RAB33A: variants seen among roughly 807,000 people sequenced by gnomAD.
RAB33A encodes the protein RAB33A, member RAS oncogene family, also known as ras-related protein Rab-33A.
Under a neutral mutation model 12.0 loss-of-function variants are expected in RAB33A, and 6 were observed. The ratio of observed to expected loss-of-function variants is 0.50; its 90% CI spans 0.27 to 0.99. The LOEUF is 0.99. Among genes scored for constraint, RAB33A ranks in the 50% least tolerant of loss-of-function variants. The pLI is 0.11. For missense variants in RAB33A, 109 were observed against 192.0 expected (o/e 0.57, Z 2.55); for synonymous variants, 70 against 82.4 (o/e 0.85, Z 0.81).
the RAB33A span, among the ~76,000 whole-genome samples, chrX:130,153,673 G>A: frequency 9.0e-6 from 1 of 110,646 alleles, no homozygotes; most frequent in African/African-American, 3.3e-5. Flanking sequence ...CATACAGGAA[G>A]GGGAAGACAC....
chrX:130,131,106 GAC>G, the RAB33A span, among the ~76,000 whole-genome samples: 4 of 111,794 alleles, frequency 3.6e-5, no homozygotes, highest in Non-Finnish European at 7.5e-5. Context: ...TAATGAAAGA[GAC>G]ATGTGTGGGA....
the RAB33A span, chrX:130,155,042 C>G: frequency 1.0e-6 from 1 of 976,818 alleles, no homozygotes; most frequent in Admixed American, 2.2e-5. Context: ...TAATAAACAC[C>G]TAGAGAAAGC....
At chrX:130,182,160 AT>A (rs1186845764) in intron 1 of RAB33A, among the ~76,000 whole-genome samples, 106 of 45,080 alleles carry the variant, frequency 2.4e-3, no homozygotes, top group Middle Eastern at 0.024. Context: ...AAAAAAAAAT[AT>A]ATATATATAT....
chrX:130,129,898 C>T, the RAB33A span: 10 of 1,156,396 alleles, frequency 8.6e-6, no homozygotes, highest in African/African-American at 8.8e-5. Context: ...TCTCAGGGCA[C>T]CCGATGAAGT....
At chrX:130,119,043 G>A in the RAB33A span, among the ~76,000 whole-genome samples, 55 of 111,761 alleles carry the variant, frequency 4.9e-4, 1 homozygote, top group South Asian at 0.02. Flanking sequence ...GGCTGACCGA[G>A]GGGAGCTAGC....
the RAB33A span, among the ~76,000 whole-genome samples, chrX:130,145,249 G>C: frequency 5.4e-4 from 61 of 112,236 alleles, no homozygotes; most frequent in South Asian, 1.9e-3. Context: ...GCAAATAGGA[G>C]AGATAACAGC....
the RAB33A span, among the ~76,000 whole-genome samples, chrX:130,143,726 G>A: frequency 1.4e-4 from 15 of 109,988 alleles, no homozygotes; most frequent in Non-Finnish European, 2.7e-4. Flanking sequence ...GCATGGTGGC[G>A]CATGCAGCTA....
the RAB33A span, chrX:130,155,431 T>C: frequency 1.6e-6 from 1 of 625,746 alleles, no homozygotes; most frequent in Non-Finnish European, 2.5e-6. Context: ...TGCTCCAGGA[T>C]TGCAGAATGT....
At chrX:130,125,074 A>G in the RAB33A span, among the ~76,000 whole-genome samples, 1,347 of 111,319 alleles carry the variant, frequency 0.012, 13 homozygotes, top group Middle Eastern at 0.032. Context: ...CCATGGTCAC[A>G]GAGTAGCCTT....
chrX:130,183,581 TA>T (rs775862177), intron 1 of RAB33A, among the ~76,000 whole-genome samples: 1 of 110,949 alleles, frequency 9.0e-6, no homozygotes, highest in Admixed American at 9.6e-5. Context: ...AATAACACTG[TA>T]AGATATTAGT....
At chrX:130,178,239 G>A (rs150145994) in intron 1 of RAB33A, among the ~76,000 whole-genome samples, 1,535 of 110,915 alleles carry the variant, frequency 0.014, 21 homozygotes, top group African/African-American at 0.045. Flanking sequence ...GATTGCTTGC[G>A]CCTAGGAGGT....
At chrX:130,158,177 T>C in the RAB33A span, among the ~76,000 whole-genome samples, 1 of 109,581 alleles carries the variant, frequency 9.1e-6, no homozygotes, top group African/African-American at 3.3e-5. Flanking sequence ...GGCAGGAGAA[T>C]AGCTTGAACC....
At chrX:130,166,313 A>T in the RAB33A span, among the ~76,000 whole-genome samples, 1 of 110,958 alleles carries the variant, frequency 9.0e-6, no homozygotes, top group African/African-American at 3.3e-5. Flanking sequence ...CGTTTCCTGG[A>T]CAAGTAATTC....
At chrX:130,177,245 C>T (rs2031673301) in intron 1 of RAB33A, among the ~76,000 whole-genome samples, 1 of 112,303 alleles carries the variant, frequency 8.9e-6, no homozygotes, top group Non-Finnish European at 1.9e-5. Context: ...GGATGAGAGA[C>T]CAATGGACCC....
chrX:130,132,233 A>T, the RAB33A span, among the ~76,000 whole-genome samples: 1 of 112,257 alleles, frequency 8.9e-6, no homozygotes, highest in Non-Finnish European at 1.9e-5. Flanking sequence ...ATGCCAACTG[A>T]TCTGCTGTTG....
the RAB33A span, chrX:130,137,171 T>C: frequency 8.3e-7 from 1 of 1,211,463 alleles, no homozygotes; most frequent in Non-Finnish European, 1.1e-6. Flanking sequence ...ATCACTTCTG[T>C]GCCCAAGGCT....
the RAB33A span, among the ~76,000 whole-genome samples, chrX:130,124,656 C>T: frequency 6.2e-5 from 7 of 112,633 alleles, no homozygotes; most frequent in African/African-American, 2.3e-4. Flanking sequence ...TGGTCAAAGA[C>T]CACCAGGAAC....
chrX:130,139,379 C>A, the RAB33A span, among the ~76,000 whole-genome samples: 2 of 110,313 alleles, frequency 1.8e-5, no homozygotes, highest in African/African-American at 6.6e-5. Flanking sequence ...AAAATGACAG[C>A]AGTTTTTATA....
chrX:130,142,016 T>A, the RAB33A span, among the ~76,000 whole-genome samples: 1 of 111,558 alleles, frequency 9.0e-6, no homozygotes, highest in Non-Finnish European at 1.9e-5. Flanking sequence ...AGCTTTGGAG[T>A]CAGAGAGAAT....
Sources: allele counts gnomAD v4.1 joint callset (sites outside exome capture counted in the v4.1 genomes callset), GRCh38; gene constraint gnomAD v4.1.1; transcripts MANE v1.5; gene names NCBI Gene and HGNC (gene_info 2026-07-23, HGNC 2026-07-21).